OPHN1: variants seen among roughly 807,000 people sequenced by gnomAD.
OPHN1 encodes the protein oligophrenin 1, also known as oligophrenin-1.
OPHN1 carries 11 observed loss-of-function variants against 60.7 expected under a neutral mutation model. The observed-to-expected ratio is 0.18, with a 90% CI of 0.11 to 0.30. OPHN1 has a LOEUF of 0.30. Among genes scored for constraint, OPHN1 ranks in the 10% least tolerant of loss-of-function variants. The pLI is 1.00. For synonymous variants in OPHN1, 226 were observed against 222.6 expected, an observed-to-expected ratio of 1.02 and a Z score of -0.14; for missense variants, 449 against 611.0, an observed-to-expected ratio of 0.73 and a Z score of 2.80.
At chrX:68,065,742 C>G (rs187535580) in intron 20 of OPHN1, among the ~76,000 whole-genome samples, 1 of 111,968 alleles carries the variant, frequency 8.9e-6, no homozygotes, top group African/African-American at 3.2e-5. Flanking sequence ...GGTAGGTATA[C>G]TTATTTCAGT....
Position 68,135,199 on chromosome X carries a change from T to A in OPHN1, c.1277-15867A>T, listed in dbSNP as rs1207032891. Among the ~76,000 whole-genome samples, 7 of 111,816 alleles carry A rather than the reference T, an allele frequency of 6.3e-5. 1 individual carries two copies. Among genetic ancestry groups the A allele is most frequent in the Non-Finnish European group, 1.3e-4 (7 of 53,180 alleles). ...CGTTCGAAGATTCCTTATTAATGAA[T>A]ATCTTTGACTTAAATCTAACCGAAA... On this transcript the variant is annotated intron_variant, in intron 15 of 24. Coordinates refer to ENST00000355520, the MANE Select transcript of OPHN1 (RefSeq NM_002547.3).
chrX:68,179,228 G>A (rs1303677097), intron 15 of OPHN1, among the ~76,000 whole-genome samples: 1 of 111,714 alleles, frequency 9.0e-6, no homozygotes, highest in Non-Finnish European at 1.9e-5. Flanking sequence ...GAATTTTTTA[G>A]GTGAAGCTCT....
intron 2 of OPHN1, among the ~76,000 whole-genome samples, chrX:68,349,926 G>T (rs2078399171): frequency 9.0e-6 from 1 of 110,787 alleles, no homozygotes; most frequent in African/African-American, 3.3e-5. Context: ...GGGGGCTAGG[G>T]GAGGGATAAC....
At chrX:68,328,578 GA>G (rs943083721) in intron 2 of OPHN1, among the ~76,000 whole-genome samples, 20 of 111,949 alleles carry the variant, frequency 1.8e-4, no homozygotes, top group African/African-American at 5.8e-4. Context: ...AAAAATACAG[GA>G]AATAAAATGA....
chrX:68,309,623 T>C (rs2078163403), intron 2 of OPHN1, among the ~76,000 whole-genome samples: 1 of 112,296 alleles, frequency 8.9e-6, no homozygotes, highest in African/African-American at 3.2e-5. Flanking sequence ...TTACGACATT[T>C]TGCCCACTCA....
In OPHN1 at chrX:68,178,462, G is replaced by A. The variant is rs748481584; in HGVS notation, c.1276+14457C>T. ...TCTACCACCTGGGCTGAAGTGCAGT[G>A]GCGTGACCTTGGATCACTGCAAGCT... On this transcript the variant is annotated intron_variant, in intron 15 of 24. Coordinates refer to ENST00000355520, the MANE Select transcript of OPHN1 (RefSeq NM_002547.3). Among the ~76,000 whole-genome samples the A allele has an allele frequency of 9.0e-5, 10 of 111,546 alleles. No homozygotes were observed. The South Asian group carries it at 3.8e-3, about 42-fold the overall frequency.
At chrX:68,209,038 T>C (rs1201304790) in intron 9 of OPHN1, among the ~76,000 whole-genome samples, 1 of 112,476 alleles carries the variant, frequency 8.9e-6, no homozygotes, top group East Asian at 2.8e-4. Flanking sequence ...ATAATTTCAC[T>C]ACCGTAGTGT....
intron 20 of OPHN1, 118 bp from the exon 21 acceptor site, chrX:68,064,295 T>A: frequency 2.9e-6 from 2 of 686,029 alleles, no homozygotes; most frequent in Non-Finnish European, 4.5e-6. Flanking sequence ...AGCAGTTATG[T>A]CACTGTGGCA....
intron 6 of OPHN1, among the ~76,000 whole-genome samples, chrX:68,218,371 G>C (rs2077629206): frequency 1.0e-5 from 1 of 96,432 alleles, no homozygotes; most frequent in Non-Finnish European, 2.1e-5. Context: ...TATTATCCAA[G>C]AGAAATTCCC....
intron 3 of OPHN1, among the ~76,000 whole-genome samples, chrX:68,289,911 TAG>T (rs1261094622): frequency 8.9e-6 from 1 of 112,006 alleles, no homozygotes; most frequent in Non-Finnish European, 1.9e-5. Context: ...ACAAAATAGC[TAG>T]AGTGTCACAC....
intron 21 of OPHN1, among the ~76,000 whole-genome samples, chrX:68,058,779 T>C (rs183816722): frequency 1.4e-3 from 157 of 111,894 alleles, no homozygotes; most frequent in Non-Finnish European, 5.6e-4. Context: ...TCAATGGTGG[T>C]ATTGTCCCCA....
At chrX:68,417,374 G>A (rs1272526869) in intron 2 of OPHN1, among the ~76,000 whole-genome samples, 4 of 112,081 alleles carry the variant, frequency 3.6e-5, no homozygotes, top group African/African-American at 6.5e-5. Context: ...TTATAGGCGT[G>A]AGCCACCACG....
chrX:68,295,600 G>C (rs2078090784), intron 3 of OPHN1, among the ~76,000 whole-genome samples: 1 of 112,707 alleles, frequency 8.9e-6, no homozygotes, highest in Non-Finnish European at 1.9e-5. Context: ...TAGAGGTAAA[G>C]ACAAGGCAAT....
At chrX:68,074,660 C>T (rs1357942601) in intron 19 of OPHN1, among the ~76,000 whole-genome samples, 1 of 111,554 alleles carries the variant, frequency 9.0e-6, no homozygotes, top group Non-Finnish European at 1.9e-5. Flanking sequence ...CCTCCCTCTA[C>T]GCAAGCATTC....
intron 2 of OPHN1, among the ~76,000 whole-genome samples, chrX:68,316,597 G>A (rs1011447079): frequency 8.1e-5 from 9 of 111,107 alleles, no homozygotes; most frequent in African/African-American, 2.6e-4. Flanking sequence ...GCCTTTCCCA[G>A]CCACGCACAT....
Position 68,228,946 on chromosome X carries a change from C to A in OPHN1, c.486+5541G>T, listed in dbSNP as rs751103811. ...GCAGGAGAAAGAAATAAAGGGTATT[C>A]AATTAGGAAATGAGGAAGTCAAATT... On this transcript the variant is annotated intron_variant, in intron 6 of 24. Transcript: ENST00000355520. Among the ~76,000 whole-genome samples the A allele has an allele frequency of 2.7e-5, 3 of 110,559 alleles. No homozygotes were observed. The South Asian group carries it at 1.2e-3, about 43-fold the overall frequency.
intron 15 of OPHN1, among the ~76,000 whole-genome samples, chrX:68,174,469 C>CTT (rs767690922): frequency 0.012 from 878 of 76,160 alleles, 22 homozygotes; most frequent in East Asian, 0.042. Context: ...TTAACTTATT[C>CTT]TTTTTTTTTT....
intron 21 of OPHN1, among the ~76,000 whole-genome samples, chrX:68,061,210 ATAGT>A (rs2076891715): frequency 8.9e-6 from 1 of 112,104 alleles, no homozygotes; most frequent in African/African-American, 3.2e-5. Flanking sequence ...CCAGATTTAG[ATAGT>A]TAGGCTGATA....
At chrX:68,070,833 C>T in intron 20 of OPHN1, 1 of 1,169,946 alleles carries the variant, frequency 8.5e-7, no homozygotes, top group Non-Finnish European at 1.2e-6. Flanking sequence ...GACCACAGTC[C>T]AAGCCCATTC....
Sources: gnomAD v4.1 joint callset for allele counts (sites outside exome capture counted in the v4.1 genomes callset) on GRCh38, gnomAD v4.1.1 for gene constraint, MANE v1.5 for transcripts, NCBI Gene and HGNC (gene_info 2026-07-23, HGNC 2026-07-21) for gene names.